The following ATP2C1 variants were observed in gnomAD, a reference collection of about 807,000 sequenced individuals.
ATP2C1 encodes ATPase secretory pathway Ca2+ transporting 1, also known as calcium-transporting ATPase type 2C member 1.
ATP2C1 carries 31 observed loss-of-function variants against 120.5 expected under a neutral mutation model. That is an observed-to-expected ratio of 0.26 (90% CI 0.19 to 0.35). The LOEUF (loss-of-function observed/expected upper bound fraction) is 0.35. Among genes scored for constraint, ATP2C1 ranks in the 10% least tolerant of loss-of-function variants. The probability of loss-of-function intolerance (pLI) is 1.00; values close to 1 mark genes in which losing one functional copy is unlikely to be tolerated. For synonymous variants in ATP2C1, 351 were observed against 358.7 expected (o/e 0.98, Z 0.24); for missense variants, 731 against 1,107.5 (o/e 0.66, Z 4.83).
At chr3:130,986,453 C>G (rs1576997867) in intron 20 of ATP2C1, among the ~76,000 whole-genome samples, 1 of 152,132 alleles carries the variant, frequency 6.6e-6, no homozygotes, top group African/African-American at 2.4e-5. Flanking sequence ...TGGAAACCAA[C>G]CAAAGATAGT....
At chr3:131,003,230 G>A, downstream of ATP2C1, 1 of 854,834 alleles carries the variant, frequency 1.2e-6, no homozygotes, top group African/African-American at 1.8e-5. Flanking sequence ...TATCCATATG[G>A]ATGCTGGAGA....
intron 20 of ATP2C1, among the ~76,000 whole-genome samples, chr3:130,991,068 A>G (rs953648556): frequency 2.0e-5 from 3 of 152,200 alleles, no homozygotes. Flanking sequence ...GGGTATGCTC[A>G]CCTGAGGCGT....
chr3:130,934,001 A>T (rs1224667727), intron 4 of ATP2C1, among the ~76,000 whole-genome samples: 2 of 152,220 alleles, frequency 1.3e-5, no homozygotes, highest in East Asian at 3.8e-4. Flanking sequence ...AGAATGTCCA[A>T]CTGGAAGAAT....
rs375061959 is a variant in ATP2C1 at position 130,965,052 on chromosome 3, T to C, written c.1122+7T>C. On this transcript the variant is annotated splice_region_variant and intron_variant, in intron 14 of 27. Transcript: ENST00000510168. ...AGATGGTCTGCATGCTGAGGTACTCTATAGGTTTTTAAAAACAAACAAAAA... is the reference window on the plus strand; with the variant it reads ...AGATGGTCTGCATGCTGAGGTACTCCATAGGTTTTTAAAAACAAACAAAAA... The C allele has an allele frequency of 7.5e-6, 12 of 1,595,274 alleles. No individual in the cohort carries two copies. In the African/African-American group the frequency reaches 1.3e-4, roughly 18 times the overall value.
chr3:130,926,053 C>T (rs2059190200), intron 2 of ATP2C1, among the ~76,000 whole-genome samples: 1 of 152,154 alleles, frequency 6.6e-6, no homozygotes, highest in Admixed American at 6.5e-5. Context: ...GACCACAAGC[C>T]TCCCCCTTGA....
intron 5 of ATP2C1, among the ~76,000 whole-genome samples, chr3:130,934,919 G>A (rs928589023): frequency 6.6e-6 from 1 of 152,128 alleles, no homozygotes; most frequent in East Asian, 1.9e-4. Context: ...CTGCAGCCCC[G>A]AACTCCTGGG....
At chr3:130,870,027 T>C (rs566925724) in intron 1 of ATP2C1, among the ~76,000 whole-genome samples, 2 of 152,334 alleles carry the variant, frequency 1.3e-5, no homozygotes, top group South Asian at 4.1e-4. Context: ...TGATGATTTA[T>C]CATTCTGAAA....
Position 130,996,913 on chromosome 3 carries a change from A to C in ATP2C1, c.2243+117A>C, listed in dbSNP as rs1182867129. ...GGAAAACTTTGCAGCAAATGTTTTA[A>C]CATTTATGTTATAAATTGTGTGATG... is the stretch of plus-strand genomic sequence containing the variant. On this transcript the variant is annotated intron_variant, in intron 24 of 27. Coordinates refer to ENST00000510168, the MANE Select transcript of ATP2C1 (RefSeq NM_001378687.1). 9 of 785,632 alleles carry C rather than the reference A, an allele frequency of 1.1e-5. No homozygotes were observed. The Middle Eastern group carries it at 1.1e-3, about 100-fold the overall frequency. The allele number at this position is 785,632 out of a possible 1,614,324, so 48.7% of individuals were successfully genotyped here.
At chr3:130,888,397 T>C (rs1282170714) in intron 1 of ATP2C1, among the ~76,000 whole-genome samples, 1 of 152,156 alleles carries the variant, frequency 6.6e-6, no homozygotes, top group Non-Finnish European at 1.5e-5. Flanking sequence ...CACTAGAAGT[T>C]GCCTAAGAAC....
At chr3:130,874,952 A>G (rs1413910528) in intron 1 of ATP2C1, among the ~76,000 whole-genome samples, 1 of 152,194 alleles carries the variant, frequency 6.6e-6, no homozygotes, top group Non-Finnish European at 1.5e-5. Context: ...ATTAACTTAG[A>G]CTAATGATCT....
chr3:130,871,761 C>A (rs1053251590), intron 1 of ATP2C1, among the ~76,000 whole-genome samples: 12 of 152,142 alleles, frequency 7.9e-5, no homozygotes, highest in African/African-American at 2.7e-4. Context: ...GTGGCTCACC[C>A]CTATAATCCC....
At chr3:130,916,894 T>C (rs1378358556) in intron 2 of ATP2C1, among the ~76,000 whole-genome samples, 2 of 152,218 alleles carry the variant, frequency 1.3e-5, no homozygotes, top group Non-Finnish European at 2.9e-5. Context: ...ATAGCTTTTG[T>C]AAATCAATGT....
At chr3:130,995,259 A>G (rs1287155527) in intron 22 of ATP2C1, among the ~76,000 whole-genome samples, 1 of 151,606 alleles carries the variant, frequency 6.6e-6, no homozygotes, top group Non-Finnish European at 1.5e-5. Flanking sequence ...CAAACAATAC[A>G]AAAAAAATAG....
In ATP2C1 at chr3:130,894,355, C is replaced by G. The variant is rs1056048829; in HGVS notation, c.-181+18C>G. 1 of 1,091,494 alleles carries G rather than the reference C, an allele frequency of 9.2e-7. No individual in the cohort carries two copies. The highest frequency in any genetic ancestry group is 4.4e-4 in the Middle Eastern group (1 of 2,280). The allele number at this position is 1,091,494 out of a possible 1,614,324, so 67.6% of individuals were successfully genotyped here. A position where few individuals can be genotyped will look rare whatever the true frequency, so the allele number is the denominator to read the frequency against. ...GGCTTTGGGTGGGTACCAGTATTAC[C>G]TCCTGCCCCCATTTCTAGAAACTTC... On this transcript the variant is annotated intron_variant, in intron 1 of 27. Transcript: ENST00000510168. The surrounding 1 kb of genome is among the most constrained non-coding windows in gnomAD (Gnocchi z 4.5).
At chr3:130,875,917 T>G (rs2068587597) in intron 1 of ATP2C1, among the ~76,000 whole-genome samples, 1 of 152,012 alleles carries the variant, frequency 6.6e-6, no homozygotes, top group Non-Finnish European at 1.5e-5. Context: ...GGCCATTTGC[T>G]TTGAGAAGTG....
downstream of ATP2C1, among the ~76,000 whole-genome samples, chr3:131,004,177 C>T (rs1385185909): frequency 6.6e-6 from 1 of 152,140 alleles, no homozygotes; most frequent in Non-Finnish European, 1.5e-5. Context: ...AAAATGAGTC[C>T]AGTGCACTTT....
At chr3:130,908,089 T>C (rs1391812012) in intron 2 of ATP2C1, among the ~76,000 whole-genome samples, 1 of 152,102 alleles carries the variant, frequency 6.6e-6, no homozygotes, top group Non-Finnish European at 1.5e-5. Context: ...ATGACTAGTC[T>C]TGGCTAGACT....
At chr3:130,956,973 G>A (rs2060610199) in intron 11 of ATP2C1, among the ~76,000 whole-genome samples, 3 of 151,196 alleles carry the variant, frequency 2.0e-5, no homozygotes, top group Admixed American at 6.6e-5. Flanking sequence ...TTTTTTTCCC[G>A]TTTAAGTTGC....
At chr3:131,006,387 C>T (rs761946380), downstream of ATP2C1, among the ~76,000 whole-genome samples, 10 of 152,156 alleles carry the variant, frequency 6.6e-5, no homozygotes, top group African/African-American at 1.4e-4. Flanking sequence ...GCTGGGATTA[C>T]GGGCATGAGC....
Sources: allele counts gnomAD v4.1 joint callset (sites outside exome capture counted in the v4.1 genomes callset), GRCh38; gene constraint gnomAD v4.1.1; non-coding constraint Gnocchi (gnomAD v3.1); transcripts MANE v1.5; gene names NCBI Gene and HGNC (gene_info 2026-07-23, HGNC 2026-07-21).